The following DYM variants were observed in gnomAD, a reference collection of about 807,000 sequenced individuals.
The protein encoded by DYM is dymeclin.
A neutral mutation model predicts 93.1 loss-of-function variants in DYM; 78 were observed. The ratio of observed to expected loss-of-function variants is 0.84; its 90% CI spans 0.70 to 1.01. The LOEUF is 1.01. Among genes scored for constraint, DYM ranks in the 50% least tolerant of loss-of-function variants. The pLI, the probability that DYM is intolerant of heterozygous loss-of-function variation, is 0.00. For missense variants in DYM, 789 were observed against 845.0 expected, an observed-to-expected ratio of 0.93 and a Z score of 0.82; for synonymous variants, 321 against 319.7, an observed-to-expected ratio of 1.00 and a Z score of -0.04.
chr18:49,118,918 G>T lies in DYM; in HGVS notation c.1737C>A (p.Asp579Glu), dbSNP rs1282600366. Reference protein sequence around the residue: ...NDVPLPDYAQDLNVIEEVIRM... With the variant: ...NDVPLPDYAQELNVIEEVIRM... ...GAATCACTTCTTCAATGACATTTAGGTCTTGTGCCTTATAGAGAAAAGAAA... is the reference window on the plus strand; with the variant it reads ...GAATCACTTCTTCAATGACATTTAGTTCTTGTGCCTTATAGAGAAAAGAAA... The change falls in exon 16 of 18, where the codon GAC becomes GAA. Residue 579 changes from aspartate to glutamate, a missense_variant. Asp to Glu is a conservative substitution (Grantham distance 45, BLOSUM62 2). Transcript: ENST00000675505. 6.2e-7 allele frequency: 1 copy of T among 1,613,830 alleles called. No homozygotes were observed. The highest frequency in any genetic ancestry group is 8.5e-7 in the Non-Finnish European group (1 of 1,179,892).
intron 17 of DYM, among the ~76,000 whole-genome samples, chr18:49,070,281 T>G (rs886380923): frequency 3.3e-5 from 5 of 152,226 alleles, no homozygotes; most frequent in African/African-American, 1.2e-4. Flanking sequence ...TTACGTGCAT[T>G]GTTTCTTTTG....
At chr18:49,401,309 A>T (rs960796975) in intron 2 of DYM, among the ~76,000 whole-genome samples, 1 of 152,222 alleles carries the variant, frequency 6.6e-6, no homozygotes, top group African/African-American at 2.4e-5. Context: ...GAAGCAATCC[A>T]TATATTAGAA....
chr18:49,321,263 C>G (rs1037690283), intron 8 of DYM: 1 of 397,196 alleles, frequency 2.5e-6, no homozygotes, highest in Non-Finnish European at 4.4e-6. Context: ...GAAACTTATC[C>G]CAGGATTTCA....
chr18:49,377,943 G>A (rs944691050), intron 5 of DYM, among the ~76,000 whole-genome samples: 2 of 152,194 alleles, frequency 1.3e-5, no homozygotes, highest in African/African-American at 4.8e-5. Context: ...CCTGATGAGG[G>A]CAGAGATCTA....
chr18:49,302,427 A>G (rs1170976760), intron 8 of DYM, among the ~76,000 whole-genome samples: 1 of 152,242 alleles, frequency 6.6e-6, no homozygotes, highest in African/African-American at 2.4e-5. Flanking sequence ...TAAAAATTTT[A>G]CTTAATTTTA....
intron 17 of DYM, among the ~76,000 whole-genome samples, chr18:49,061,568 T>C (rs1263209184): frequency 6.6e-6 from 1 of 152,184 alleles, no homozygotes; most frequent in East Asian, 1.9e-4. Context: ...GGGAGACTAC[T>C]TGGGAAACAA....
rs186883041 is a variant in DYM at position 49,346,461 on chromosome 18, C to T, written c.495-12608G>A. ...AAGGCAGATGAGTGGTTACTAGGGG[C>T]AGAAGAGAGGGATAAATGAGGCCTG... On this transcript the variant is annotated intron_variant, in intron 6 of 17. Coordinates refer to ENST00000675505, the MANE Select transcript of DYM (RefSeq NM_001353214.3). Among the ~76,000 whole-genome samples, 4 of 152,142 alleles carry T rather than the reference C, an allele frequency of 2.6e-5. 1 individual carries two copies. The highest frequency in any genetic ancestry group is 2.0e-4 in the Admixed American group (3 of 15,278).
In DYM at chr18:49,281,966, A is replaced by G. The variant is rs778729902; in HGVS notation, c.1125+31T>C. ...TTAAAGTATAATTAAAAAAAAATAC[A>G]AACGCATGGAATGTTTAGTATGATA... On this transcript the variant is annotated intron_variant, in intron 10 of 17. Coordinates refer to ENST00000675505, the MANE Select transcript of DYM (RefSeq NM_001353214.3). The G allele has an allele frequency of 6.9e-6, 11 of 1,600,808 alleles. No homozygotes were observed. The South Asian group carries it at 1.1e-4, about 16-fold the overall frequency.
chr18:49,448,388 T>C (rs2082272558), intron 1 of DYM, among the ~76,000 whole-genome samples: 1 of 152,234 alleles, frequency 6.6e-6, no homozygotes, highest in Non-Finnish European at 1.5e-5. Context: ...GAGTTCAATC[T>C]AGCACATCCC....
At chr18:49,159,183 A>G (rs1317875608) in intron 15 of DYM, among the ~76,000 whole-genome samples, 1 of 152,240 alleles carries the variant, frequency 6.6e-6, no homozygotes, top group Non-Finnish European at 1.5e-5. Context: ...GACTGAAGAT[A>G]GTTTTCAATA....
At chr18:49,430,204 A>G (rs1444351171) in intron 2 of DYM, 51 bp downstream of exon 2, 5 of 1,566,894 alleles carry the variant, frequency 3.2e-6, no homozygotes, top group Non-Finnish European at 3.5e-6. Flanking sequence ...CATACCACAC[A>G]AGTTGATATG....
chr18:49,200,431 T>C (rs997062016), intron 14 of DYM, among the ~76,000 whole-genome samples: 1 of 151,924 alleles, frequency 6.6e-6, no homozygotes, highest in African/African-American at 2.4e-5. Flanking sequence ...ATATCAAATA[T>C]AACTACTAAA....
intron 14 of DYM, among the ~76,000 whole-genome samples, chr18:49,194,031 T>C (rs1310921687): frequency 6.6e-6 from 1 of 152,224 alleles, no homozygotes; most frequent in Non-Finnish European, 1.5e-5. Context: ...ATCTAAGGGC[T>C]GGCATCATGA....
At chr18:49,445,220 T>C (rs1276137627) in intron 1 of DYM, among the ~76,000 whole-genome samples, 2 of 152,180 alleles carry the variant, frequency 1.3e-5, no homozygotes, top group African/African-American at 4.8e-5. Flanking sequence ...GCCTGAAATA[T>C]TTATGATTTG....
chr18:49,145,898 C>T (rs752674855), intron 15 of DYM, among the ~76,000 whole-genome samples: 2 of 151,678 alleles, frequency 1.3e-5, no homozygotes, highest in Non-Finnish European at 1.5e-5. Context: ...TTAGTTTTTA[C>T]CTTTTTTTTT....
At chr18:49,059,372 C>T (rs1454452059) in intron 17 of DYM, among the ~76,000 whole-genome samples, 1 of 152,168 alleles carries the variant, frequency 6.6e-6, no homozygotes, top group African/African-American at 2.4e-5. Flanking sequence ...GCAGCCCCAG[C>T]GAACTAAGAC....
intron 15 of DYM, among the ~76,000 whole-genome samples, chr18:49,157,371 T>C (rs541328693): frequency 6.6e-6 from 1 of 152,328 alleles, no homozygotes; most frequent in African/African-American, 2.4e-5. Flanking sequence ...ATAGGCAGCA[T>C]GGCATAACTG....
At chr18:49,445,789 A>G (rs2082045198) in intron 1 of DYM, among the ~76,000 whole-genome samples, 1 of 152,212 alleles carries the variant, frequency 6.6e-6, no homozygotes, top group South Asian at 2.1e-4. Context: ...TTAGGCACTA[A>G]ATCCCACAGG....
At chr18:49,401,131 C>T (rs1250590688) in intron 2 of DYM, among the ~76,000 whole-genome samples, 1 of 152,152 alleles carries the variant, frequency 6.6e-6, no homozygotes, top group African/African-American at 2.4e-5. Context: ...CAGTATACTT[C>T]AAGTTTAATG....
Sources: gnomAD v4.1 joint callset for allele counts (sites outside exome capture counted in the v4.1 genomes callset) on GRCh38, gnomAD v4.1.1 for gene constraint, MANE v1.5 for transcripts, NCBI Gene and HGNC (gene_info 2026-07-23, HGNC 2026-07-21) for gene names.